KCNG3: variants seen among roughly 807,000 people sequenced by gnomAD.
The protein encoded by KCNG3 is potassium voltage-gated channel modifier subfamily G member 3, also known as voltage-gated potassium channel regulatory subunit KCNG3.
Under a neutral mutation model 29.0 loss-of-function variants are expected in KCNG3, and 15 were observed. The observed-to-expected ratio is 0.52, with a 90% CI of 0.35 to 0.80. The LOEUF is 0.80. KCNG3 is among the 30% of genes least tolerant of loss of function. KCNG3 has a pLI of 0.01. For missense variants in KCNG3, 512 were observed against 605.7 expected (o/e 0.85, Z 1.62); for synonymous variants, 322 against 248.9 (o/e 1.29, Z -2.76).
At chr2:42,445,950 C>G (rs1047559007) in intron 1 of KCNG3, among the ~76,000 whole-genome samples, 21 of 152,054 alleles carry the variant, frequency 1.4e-4, no homozygotes, top group African/African-American at 4.1e-4. Flanking sequence ...TGGTCTCGAA[C>G]TCCTTACGTC....
the KCNG3 span, among the ~76,000 whole-genome samples, chr2:42,390,617 T>A: frequency 6.6e-6 from 1 of 152,232 alleles, no homozygotes; most frequent in Non-Finnish European, 1.5e-5. Flanking sequence ...CTGTGTTGTT[T>A]ATCAGACTCC....
At chr2:42,479,461 T>A (rs1673525178) in intron 1 of KCNG3, among the ~76,000 whole-genome samples, 1 of 151,274 alleles carries the variant, frequency 6.6e-6, no homozygotes, top group Non-Finnish European at 1.5e-5. Context: ...TCTGGGCAAC[T>A]GAGCAAAACC....
chr2:42,470,142 C>T lies in KCNG3; in HGVS notation c.665+22695G>A, dbSNP rs534503124. ...GAGAGGAATAGAAAGGATAAGGATG[C>T]TAAATTCTGTCTGATTCTGATAGAG... On this transcript the variant is annotated intron_variant, in intron 1 of 1. Coordinates refer to ENST00000306078, the MANE Select transcript of KCNG3 (RefSeq NM_133329.6). The T allele has an allele frequency of 1.2e-5, 5 of 431,018 alleles. No homozygotes were observed. In the South Asian group the frequency reaches 1.3e-4, roughly 11 times the overall value. The allele number at this position is 431,018 out of a possible 1,614,324, so 26.7% of individuals were successfully genotyped here.
chr2:42,443,915 A>G lies in KCNG3; in HGVS notation c.*19T>C, dbSNP rs1394783740. The G allele has an allele frequency of 7.6e-6, 12 of 1,585,952 alleles. No homozygotes were observed. Among genetic ancestry groups the G allele is most frequent in the Non-Finnish European group, 1.0e-5 (12 of 1,166,302 alleles). On this transcript the variant is annotated 3_prime_UTR_variant, in exon 2 of 2. Transcript: ENST00000306078. ...AAAGTCTTTCTATGAAGTGTATGCAAGAATTGATTTGCAATGCATTAATTC... is the reference window on the plus strand; with the variant it reads ...AAAGTCTTTCTATGAAGTGTATGCAGGAATTGATTTGCAATGCATTAATTC...
the KCNG3 span, among the ~76,000 whole-genome samples, chr2:42,393,379 G>A: frequency 6.6e-6 from 1 of 151,942 alleles, no homozygotes; most frequent in Non-Finnish European, 1.5e-5. Context: ...TGGCCAACAT[G>A]GTGAAACCCT....
At position 42,493,833 on chromosome 2, in the gene KCNG3, G is replaced by C; in HGVS notation, c.-332C>G. 4.5e-6 allele frequency: 1 copy of C among 221,046 alleles called. No individual in the cohort carries two copies. The highest frequency in any genetic ancestry group is 1.8e-4 in the South Asian group (1 of 5,508). 13.7% of individuals were successfully genotyped at this position (221,046 alleles called of 1,614,324 possible). On this transcript the variant is annotated 5_prime_UTR_variant, in exon 1 of 2. Coordinates refer to ENST00000306078, the MANE Select transcript of KCNG3 (RefSeq NM_133329.6). ...GAGGGCTGCGCACACCGAGGCCGCGGTGCCCTCTCCCAAGCCGCGGGGCCG... is the reference window on the plus strand; with the variant it reads ...GAGGGCTGCGCACACCGAGGCCGCGCTGCCCTCTCCCAAGCCGCGGGGCCG...
chr2:42,424,118 A>C, the KCNG3 span, among the ~76,000 whole-genome samples: 7 of 152,330 alleles, frequency 4.6e-5, no homozygotes, highest in Admixed American at 3.3e-4. Flanking sequence ...ACTTTCTGCA[A>C]AGTAAAACGG....
At chr2:42,417,185 G>A in the KCNG3 span, among the ~76,000 whole-genome samples, 1 of 152,230 alleles carries the variant, frequency 6.6e-6, no homozygotes, top group Non-Finnish European at 1.5e-5. Context: ...GGAGGTTGCA[G>A]TGAGCTGAGG....
Position 42,492,881 on chromosome 2 carries a change from A to C in KCNG3, c.621T>G (p.Asp207Glu). 1 of 1,540,648 alleles carries C rather than the reference A, an allele frequency of 6.5e-7. No individual in the cohort carries two copies. The highest frequency in any genetic ancestry group is 8.7e-7 in the Non-Finnish European group (1 of 1,149,912). Reference protein sequence around the residue: ...RNAAADNRSLDDRSRYSAGPG... With the variant: ...RNAAADNRSLEDRSRYSAGPG... ...GGCCGGCGGAGTACCTGCTCCGGTCATCCAGGCTGCGGTTGTCGGCGGCTG... is the reference window on the plus strand; with the variant it reads ...GGCCGGCGGAGTACCTGCTCCGGTCCTCCAGGCTGCGGTTGTCGGCGGCTG... Residue 207 changes from aspartate (D) to glutamate (E), a missense_variant, in exon 1 of 2, where the codon GAT (aspartate) becomes GAG (glutamate). Asp to Glu is a conservative substitution (Grantham distance 45). Coordinates refer to ENST00000306078, the MANE Select transcript of KCNG3 (RefSeq NM_133329.6).
chr2:42,473,501 C>T (rs1263644375), intron 1 of KCNG3, among the ~76,000 whole-genome samples: 1 of 152,068 alleles, frequency 6.6e-6, no homozygotes, highest in Non-Finnish European at 1.5e-5. Flanking sequence ...AGGCACACAC[C>T]ACCATGCCTG....
At chr2:42,462,659 G>A (rs983102443) in intron 1 of KCNG3, among the ~76,000 whole-genome samples, 8 of 152,100 alleles carry the variant, frequency 5.3e-5, no homozygotes, top group African/African-American at 1.7e-4. Flanking sequence ...TCCAGCCTGG[G>A]CGACAGAGTG....
intron 1 of KCNG3, among the ~76,000 whole-genome samples, chr2:42,477,188 T>C (rs1673448572): frequency 6.8e-6 from 1 of 146,132 alleles, no homozygotes; most frequent in Admixed American, 6.8e-5. Context: ...CAAGACTCTG[T>C]TTCAAAAAAA....
chr2:42,474,442 C>T (rs528306527), intron 1 of KCNG3, among the ~76,000 whole-genome samples: 7 of 152,192 alleles, frequency 4.6e-5, no homozygotes, highest in East Asian at 1.9e-4. Flanking sequence ...GCACGAGAAT[C>T]GCTTGAACCC....
At chr2:42,425,147 G>C in the KCNG3 span, 1 of 151,952 alleles carries the variant, frequency 6.6e-6, no homozygotes, top group East Asian at 1.9e-4. Flanking sequence ...CAAGGGGTCT[G>C]GGGGCAGCTG....
chr2:42,488,625 C>G (rs1388020989), intron 1 of KCNG3, among the ~76,000 whole-genome samples: 2 of 151,390 alleles, frequency 1.3e-5, no homozygotes, highest in Non-Finnish European at 2.9e-5. Context: ...TATCGGCTTA[C>G]TGCAACCTCC....
chr2:42,390,009 C>G, the KCNG3 span, among the ~76,000 whole-genome samples: 3 of 152,108 alleles, frequency 2.0e-5, no homozygotes, highest in African/African-American at 4.8e-5. Flanking sequence ...AGAAAGTGAC[C>G]ATGGTGGCTT....
the KCNG3 span, among the ~76,000 whole-genome samples, chr2:42,419,593 T>G: frequency 6.6e-6 from 1 of 152,056 alleles, no homozygotes; most frequent in African/African-American, 2.4e-5. Context: ...AAGGCTGGAC[T>G]TAAGGAAGTG....
chr2:42,489,712 T>G (rs553415859), intron 1 of KCNG3, among the ~76,000 whole-genome samples: 1 of 152,086 alleles, frequency 6.6e-6, no homozygotes, highest in Admixed American at 6.6e-5. Context: ...GACATTTGAG[T>G]GGCTCAGGAA....
chr2:42,421,943 T>C, the KCNG3 span, among the ~76,000 whole-genome samples: 36 of 152,318 alleles, frequency 2.4e-4, no homozygotes, highest in African/African-American at 7.7e-4. Context: ...TTGTAACATA[T>C]AGTCATTGGT....
Sources: gnomAD v4.1 joint callset for allele counts (sites outside exome capture counted in the v4.1 genomes callset) on GRCh38, gnomAD v4.1.1 for gene constraint, MANE v1.5 for transcripts, NCBI Gene and HGNC (gene_info 2026-07-23, HGNC 2026-07-21) for gene names.